The following FREM2 variants were observed in gnomAD, a reference collection of about 807,000 sequenced individuals.
The protein encoded by FREM2 is FRAS1-related extracellular matrix protein 2.
Under a neutral mutation model 219.9 loss-of-function variants are expected in FREM2, and 119 were observed. The ratio of observed to expected loss-of-function variants is 0.54; its 90% CI spans 0.47 to 0.63. The LOEUF is 0.63. Among genes scored for constraint, FREM2 ranks in the 30% least tolerant of loss-of-function variants. FREM2 has a pLI of 0.00. For missense variants in FREM2, 4,030 were observed against 3,993.6 expected (o/e 1.01, Z -0.25); for synonymous variants, 1,562 against 1,522.8 (o/e 1.03, Z -0.60).
At chr13:38,772,327 A>C (rs747512932) in intron 4 of FREM2, among the ~76,000 whole-genome samples, 3 of 152,178 alleles carry the variant, frequency 2.0e-5, no homozygotes, top group Non-Finnish European at 4.4e-5. Flanking sequence ...AACTTATCAC[A>C]GCAGAATGTG....
chr13:38,695,451 A>G (rs540603912), intron 1 of FREM2, among the ~76,000 whole-genome samples: 17 of 152,310 alleles, frequency 1.1e-4, no homozygotes, highest in African/African-American at 3.4e-4. Context: ...AAGTTCTTAA[A>G]ATTCTGTTTT....
rs775757680 is a variant in FREM2, at chr13:38,859,372, G to A, written c.7301G>A (p.Arg2434Gln). Residue 2434 changes from arginine to glutamine, a missense_variant, in exon 14 of 24, where the codon CGG (arginine) becomes CAG (glutamine). Physicochemically the swap from Arg to Gln is conservative, Grantham distance 43. Around this residue, in one of 2 missense-constraint regions of FREM2, gnomAD observed 928 missense variants for 1,042.9 expected, o/e 0.89. Transcript: ENST00000280481. ...ENINDTLTRY[R>Q]WLISAPAGPD... Reference sequence around the variant, plus strand: ...ATCAATGACACTTTGACGCGGTACCGGTGGCTGATTAGTGCACCTGCGGGC... The same window carrying A: ...ATCAATGACACTTTGACGCGGTACCAGTGGCTGATTAGTGCACCTGCGGGC... The A allele has an allele frequency of 1.1e-5, 18 of 1,614,022 alleles. No individual in the cohort carries two copies. Among genetic ancestry groups the A allele is most frequent in the Admixed American group, 1.7e-5 (1 of 60,000 alleles).
At chr13:38,790,618 T>C (rs1264335466) in intron 6 of FREM2, among the ~76,000 whole-genome samples, 2 of 152,214 alleles carry the variant, frequency 1.3e-5, no homozygotes, top group Non-Finnish European at 2.9e-5. Flanking sequence ...TCAGTTCTCA[T>C]GTCAGGAATA....
Position 38,692,239 on chromosome 13 carries a change from C to G in FREM2, c.4895C>G (p.Pro1632Arg). 2 of 1,614,164 alleles carry G rather than the reference C, an allele frequency of 1.2e-6. No individual in the cohort carries two copies. Among genetic ancestry groups the G allele is most frequent in the Non-Finnish European group, 1.7e-6 (2 of 1,180,028 alleles). Residue 1632 changes from proline to arginine, a missense_variant, in exon 1 of 24, where the codon CCT becomes CGT. Coordinates refer to ENST00000280481, the MANE Select transcript of FREM2 (RefSeq NM_207361.6). Reference protein sequence around the residue: ...DGTHTDFYVFPDTVFETRRPQ... With the variant: ...DGTHTDFYVFRDTVFETRRPQ... Reference sequence around the variant, plus strand: ...ACCCATACAGACTTCTATGTTTTTCCTGATACGGTGTTTGAAACAAGGAGA... The same window carrying G: ...ACCCATACAGACTTCTATGTTTTTCGTGATACGGTGTTTGAAACAAGGAGA...
At chr13:38,784,475 C>A in intron 5 of FREM2, 82 bp from the exon 6 acceptor site, 1 of 1,482,594 alleles carries the variant, frequency 6.7e-7, no homozygotes, top group Non-Finnish European at 9.4e-7. Flanking sequence ...CATTAAAATG[C>A]TGTGTATGAA....
intron 2 of FREM2, among the ~76,000 whole-genome samples, chr13:38,701,863 A>T (rs1428764330): frequency 6.6e-6 from 1 of 152,094 alleles, no homozygotes; most frequent in East Asian, 1.9e-4. Context: ...TTATTTGCTA[A>T]TGTGGAAACC....
At chr13:38,738,261 G>A (rs1490123094) in intron 2 of FREM2, among the ~76,000 whole-genome samples, 1 of 152,102 alleles carries the variant, frequency 6.6e-6, no homozygotes, top group Non-Finnish European at 1.5e-5. Context: ...AGACAGACAT[G>A]TGCAATGGAA....
intron 3 of FREM2, among the ~76,000 whole-genome samples, chr13:38,767,689 T>C (rs1435937809): frequency 6.6e-6 from 1 of 152,172 alleles, no homozygotes; most frequent in African/African-American, 2.4e-5. Flanking sequence ...TGAATTGTAG[T>C]GGATCCAAGA....
intron 2 of FREM2, among the ~76,000 whole-genome samples, chr13:38,706,712 A>G (rs1182453178): frequency 1.3e-5 from 2 of 152,208 alleles, no homozygotes; most frequent in Non-Finnish European, 2.9e-5. Flanking sequence ...TGTAATTTTA[A>G]TATTTTTGTA....
rs754377592 is a variant in FREM2, at chr13:38,851,107, T to G, written c.6741T>G (p.Asp2247Glu). The G allele has an allele frequency of 2.5e-6, 4 of 1,613,316 alleles. No individual in the cohort carries two copies. The South Asian group carries it at 4.4e-5, about 18-fold the overall frequency. ...ETLIRIRDDA[D>E]KTVIKFGETK... ...TCATAAGGATCCGAGATGATGCTGA[T>G]AGTAAGAAATCTTTTTTTGTTTGTT... The change falls in exon 10 of 24, where the codon GAT becomes GAG. Residue 2247 changes from aspartate to glutamate, a missense_variant and splice_region_variant. Asp to Glu is a conservative substitution (Grantham distance 45). Coordinates refer to ENST00000280481, the MANE Select transcript of FREM2 (RefSeq NM_207361.6).
intron 14 of FREM2, 39 bp downstream of exon 14, chr13:38,859,629 A>T (rs762627680): frequency 6.5e-7 from 1 of 1,549,336 alleles, no homozygotes; most frequent in South Asian, 1.1e-5. Flanking sequence ...TCACTGGAAT[A>T]CTGTGCAATA....
Position 38,872,813 on chromosome 13 carries a change from C to G in FREM2, c.8055C>G (p.Pro2685=). 1 of 1,613,992 alleles carries G rather than the reference C, an allele frequency of 6.2e-7. No individual in the cohort carries two copies. Among genetic ancestry groups the G allele is most frequent in the Non-Finnish European group, 8.5e-7 (1 of 1,179,912 alleles). Residue 2685 remains proline (P), a synonymous_variant, in exon 17 of 24, where the codon CCC becomes CCG. Transcript: ENST00000280481. Reference sequence around the variant, plus strand: ...ATGTTTCCTACGTGTTCCATTCCCCCGTGGGGGTAGGAGGCTGGCAGCATT... The same window carrying G: ...ATGTTTCCTACGTGTTCCATTCCCCGGTGGGGGTAGGAGGCTGGCAGCATT... ...PLYVSYVFHS[P]VGVGGWQHFD... is the part of the protein sequence containing the mutation.
chr13:38,856,677 T>C (rs937151720), intron 12 of FREM2, among the ~76,000 whole-genome samples: 3 of 151,836 alleles, frequency 2.0e-5, no homozygotes, highest in African/African-American at 7.3e-5. Context: ...CAAATCAAAG[T>C]CTGTTTCTCC....
At chr13:38,751,636 A>T (rs1486552228) in intron 2 of FREM2, among the ~76,000 whole-genome samples, 1 of 151,972 alleles carries the variant, frequency 6.6e-6, no homozygotes, top group Non-Finnish European at 1.5e-5. Context: ...TTCACCTTAG[A>T]TTTTGTATTA....
intron 2 of FREM2, among the ~76,000 whole-genome samples, chr13:38,719,542 C>T (rs1010054607): frequency 8.5e-5 from 13 of 152,110 alleles, no homozygotes; most frequent in African/African-American, 3.1e-4. Context: ...ATCTTTAAGT[C>T]TCTCTCTGTG....
intron 2 of FREM2, among the ~76,000 whole-genome samples, chr13:38,734,670 A>G (rs969589673): frequency 6.6e-6 from 1 of 151,924 alleles, no homozygotes; most frequent in Non-Finnish European, 1.5e-5. Flanking sequence ...ATATTAAATA[A>G]CATTTTAATT....
chr13:38,878,815 T>A lies in FREM2; in HGVS notation c.8860-16T>A, dbSNP rs746569554. On this transcript the variant is annotated splice_polypyrimidine_tract_variant and intron_variant, in intron 22 of 23. Coordinates refer to ENST00000280481, the MANE Select transcript of FREM2 (RefSeq NM_207361.6). ...GCATTATCTACAGCAATCACCACTTTCCTTACTGCTTAAAGGACAAAGCTC... is the reference window on the plus strand; with the variant it reads ...GCATTATCTACAGCAATCACCACTTACCTTACTGCTTAAAGGACAAAGCTC... The A allele has an allele frequency of 6.2e-7, 1 of 1,614,034 alleles. No individual in the cohort carries two copies. The highest frequency in any genetic ancestry group is 1.1e-5 in the South Asian group (1 of 91,088).
intron 6 of FREM2, among the ~76,000 whole-genome samples, chr13:38,830,416 C>T (rs756646919): frequency 3.3e-5 from 5 of 152,166 alleles, no homozygotes; most frequent in Admixed American, 6.5e-5. Context: ...TGCCCTAGCT[C>T]AAGACCTCAC....
intron 2 of FREM2, among the ~76,000 whole-genome samples, chr13:38,711,666 A>C (rs1210815658): frequency 6.6e-6 from 1 of 152,196 alleles, no homozygotes; most frequent in African/African-American, 2.4e-5. Flanking sequence ...TCATAAGTGT[A>C]TTATATTCAT....
Sources: gnomAD v4.1 joint callset for allele counts (sites outside exome capture counted in the v4.1 genomes callset) on GRCh38, gnomAD v4.1.1 for gene constraint, gnomAD v4.1.1 regional missense constraint, MANE v1.5 for transcripts, NCBI Gene and HGNC (gene_info 2026-07-23, HGNC 2026-07-21) for gene names.